LGR5: variants seen among roughly 807,000 people sequenced by gnomAD.
The protein encoded by LGR5 is leucine rich repeat containing G protein-coupled receptor 5.
Under a neutral mutation model 76.7 loss-of-function variants are expected in LGR5, and 54 were observed. The ratio of observed to expected loss-of-function variants is 0.70; its 90% CI spans 0.57 to 0.88. LGR5 has a LOEUF of 0.88. LGR5 is among the 40% of genes least tolerant of loss of function. The pLI is 0.00. For synonymous variants in LGR5, 406 were observed against 421.9 expected, an observed-to-expected ratio of 0.96 and a Z score of 0.46; for missense variants, 1,078 against 1,073.3, an observed-to-expected ratio of 1.00 and a Z score of -0.06.
intron 2 of LGR5, among the ~76,000 whole-genome samples, chr12:71,505,564 T>C (rs889295492): frequency 1.2e-4 from 18 of 152,140 alleles, no homozygotes; most frequent in African/African-American, 3.1e-4. Context: ...AGAGTCCAAT[T>C]TGGGGAGTAA....
intron 2 of LGR5, among the ~76,000 whole-genome samples, chr12:71,511,723 G>A (rs920090591): frequency 3.3e-5 from 5 of 152,042 alleles, no homozygotes; most frequent in Non-Finnish European, 7.4e-5. Flanking sequence ...AACTCAACAT[G>A]TGCAGAACCA....
At chr12:71,567,255 AC>A in intron 11 of LGR5, 1 of 262,902 alleles carries the variant, frequency 3.8e-6, no homozygotes, top group Non-Finnish European at 7.4e-6. Context: ...TGGATCAACC[AC>A]CCAATATGGA....
chr12:71,530,122 AG>A (rs1876229244), intron 3 of LGR5, among the ~76,000 whole-genome samples: 1 of 152,122 alleles, frequency 6.6e-6, no homozygotes, highest in East Asian at 1.9e-4. Context: ...ACAACAATAA[AG>A]TATATTGATT....
At chr12:71,559,130 G>A (rs1877926329) in intron 6 of LGR5, among the ~76,000 whole-genome samples, 1 of 152,148 alleles carries the variant, frequency 6.6e-6, no homozygotes, top group Non-Finnish European at 1.5e-5. Flanking sequence ...GGACAAAGCA[G>A]CCCTGCAAGA....
intron 1 of LGR5, among the ~76,000 whole-genome samples, chr12:71,453,451 C>T (rs975971130): frequency 6.7e-6 from 1 of 148,626 alleles, no homozygotes; most frequent in South Asian, 2.1e-4. Flanking sequence ...GTTTGAATTG[C>T]TTTTATCCTT....
chr12:71,534,977 GA>G (rs536543960), intron 3 of LGR5, 137 bp from the exon 4 acceptor site: 86 of 553,082 alleles, frequency 1.6e-4, no homozygotes, highest in African/African-American at 1.4e-3. Context: ...CTCTTCACAG[GA>G]ATTTCAGCTC....
intron 1 of LGR5, among the ~76,000 whole-genome samples, chr12:71,450,896 G>A (rs915230751): frequency 1.3e-5 from 2 of 152,080 alleles, no homozygotes; most frequent in Non-Finnish European, 2.9e-5. Flanking sequence ...ATCCTTCAAT[G>A]GTGTCCTGTG....
Position 71,448,261 on chromosome 12 carries a change from C to T in LGR5, c.212+7969C>T, listed in dbSNP as rs991464815. On this transcript the variant is annotated intron_variant, in intron 1 of 17. Coordinates refer to ENST00000266674, the MANE Select transcript of LGR5 (RefSeq NM_003667.4). The stretch of plus-strand genomic sequence containing the variant: ...AACCTTGATTAAGTGGAGCAGAGAC[C>T]TCTACAAAAGATGTCGATTTGTAAA... 4.9e-4 allele frequency: 74 copies of T among 152,182 alleles called. 1 individual carries two copies. Among genetic ancestry groups the T allele is most frequent in the African/African-American group, 1.6e-3 (68 of 41,520 alleles). 9.4% of individuals were successfully genotyped at this position (152,182 alleles called of 1,614,324 possible).
At chr12:71,531,850 AGAGT>A (rs1226166564) in intron 3 of LGR5, among the ~76,000 whole-genome samples, 2 of 152,184 alleles carry the variant, frequency 1.3e-5, no homozygotes, top group African/African-American at 4.8e-5. Context: ...TGTGGGCGAC[AGAGT>A]GAGACCCTGT....
intron 3 of LGR5, among the ~76,000 whole-genome samples, chr12:71,526,122 C>A (rs1448496920): frequency 6.6e-6 from 1 of 152,098 alleles, no homozygotes; most frequent in East Asian, 1.9e-4. Context: ...ATGATTCAGG[C>A]TGATGATCTA....
At chr12:71,528,865 T>C (rs66781554) in intron 3 of LGR5, among the ~76,000 whole-genome samples, 6,546 of 152,298 alleles carry the variant, frequency 0.043, 154 homozygotes, top group South Asian at 0.072. Flanking sequence ...CTGTTGCCTA[T>C]GGAGGGATCT....
In LGR5 at chr12:71,481,564, C is replaced by T. The variant is rs184635726; in HGVS notation, c.213-23050C>T. Among the ~76,000 whole-genome samples the T allele has an allele frequency of 6.2e-4, 95 of 152,056 alleles. 1 individual carries two copies. Among genetic ancestry groups the T allele is most frequent in the Non-Finnish European group, 1.0e-4 (7 of 68,002 alleles). On this transcript the variant is annotated intron_variant, in intron 1 of 17. Transcript: ENST00000266674. ...TAGTGCTGCATTAAACATATGTGTG[C>T]GTGTGTCTTTATAGTAGAATGATTT... is the stretch of plus-strand genomic sequence containing the variant.
At chr12:71,506,795 C>T (rs1160976498) in intron 2 of LGR5, among the ~76,000 whole-genome samples, 8 of 152,038 alleles carry the variant, frequency 5.3e-5, no homozygotes, top group South Asian at 2.1e-4. Flanking sequence ...ATTCATTTAG[C>T]GGCAAAAGAA....
chr12:71,510,697 G>A (rs1359770006), intron 2 of LGR5, among the ~76,000 whole-genome samples: 2 of 152,124 alleles, frequency 1.3e-5, no homozygotes, highest in Non-Finnish European at 2.9e-5. Context: ...TGCTAATTGT[G>A]ACAAGAGCAG....
intron 7 of LGR5, among the ~76,000 whole-genome samples, chr12:71,561,173 G>A (rs1878039765): frequency 6.6e-6 from 1 of 152,098 alleles, no homozygotes; most frequent in Admixed American, 6.6e-5. Context: ...GGCTTAGCTG[G>A]GCAGTGGCTT....
At chr12:71,511,988 T>TTTTGTTTGTTTG (rs138561110) in intron 2 of LGR5, among the ~76,000 whole-genome samples, 31 of 152,006 alleles carry the variant, frequency 2.0e-4, no homozygotes, top group African/African-American at 5.8e-4. Flanking sequence ...GGTTTGTTTG[T>TTTTGTTTGTTTG]TTTGTTTGTT....
chr12:71,477,478 A>G (rs1282731301), intron 1 of LGR5, among the ~76,000 whole-genome samples: 1 of 149,054 alleles, frequency 6.7e-6, no homozygotes, highest in Non-Finnish European at 1.5e-5. Context: ...TGTAATATAT[A>G]TGAAATATAC....
intron 2 of LGR5, among the ~76,000 whole-genome samples, chr12:71,514,639 G>C (rs1418767918): frequency 6.6e-6 from 1 of 151,592 alleles, no homozygotes; most frequent in African/African-American, 2.4e-5. Flanking sequence ...TTATTGACTT[G>C]AAAGAGTTCA....
At chr12:71,531,884 TATC>T (rs1468576243) in intron 3 of LGR5, among the ~76,000 whole-genome samples, 2 of 152,088 alleles carry the variant, frequency 1.3e-5, no homozygotes, top group African/African-American at 4.8e-5. Flanking sequence ...AAAAAAAAGT[TATC>T]ATCACTAAAG....
Sources: gnomAD v4.1 joint callset for allele counts (sites outside exome capture counted in the v4.1 genomes callset) on GRCh38, gnomAD v4.1.1 for gene constraint, MANE v1.5 for transcripts, NCBI Gene and HGNC (gene_info 2026-07-23, HGNC 2026-07-21) for gene names.